VPS13A: variants seen among roughly 807,000 people sequenced by gnomAD.
VPS13A encodes vacuolar protein sorting 13 homolog A.
Under a neutral mutation model 390.9 loss-of-function variants are expected in VPS13A, and 264 were observed. That is an observed-to-expected ratio of 0.68 (90% CI 0.61 to 0.75). The LOEUF is 0.75. VPS13A is among the 30% of genes least tolerant of loss of function. VPS13A has a pLI of 0.00. For synonymous variants in VPS13A, 1,231 were observed against 1,227.1 expected, an observed-to-expected ratio of 1.00 and a Z score of -0.07; for missense variants, 3,409 against 3,733.9, an observed-to-expected ratio of 0.91 and a Z score of 2.27.
intron 52 of VPS13A, among the ~76,000 whole-genome samples, chr9:77,346,584 G>T (rs1245013680): frequency 6.6e-6 from 1 of 152,156 alleles, no homozygotes; most frequent in African/African-American, 2.4e-5. Context: ...TCTTGGTCAT[G>T]AACTCTTTGC....
At chr9:77,409,684 G>A (rs1356833438) in intron 71 of VPS13A, among the ~76,000 whole-genome samples, 1 of 151,190 alleles carries the variant, frequency 6.6e-6, no homozygotes, top group East Asian at 2.1e-4. Flanking sequence ...CGATCAACTG[G>A]AAGAAAGGGT....
chr9:77,364,037 T>C (rs1449958380), intron 59 of VPS13A, among the ~76,000 whole-genome samples: 1 of 151,998 alleles, frequency 6.6e-6, no homozygotes, highest in African/African-American at 2.4e-5. Flanking sequence ...AACCACCACA[T>C]TACAGGCCTG....
At chr9:77,207,510 G>A (rs2131134182) in intron 5 of VPS13A, among the ~76,000 whole-genome samples, 1 of 150,802 alleles carries the variant, frequency 6.6e-6, no homozygotes, top group South Asian at 2.1e-4. Context: ...ATTGTTAATA[G>A]TATCATGGCT....
intron 1 of VPS13A, among the ~76,000 whole-genome samples, chr9:77,183,873 C>T (rs1824170309): frequency 6.6e-6 from 1 of 152,190 alleles, no homozygotes; most frequent in South Asian, 2.1e-4. Context: ...ACTGGCATAT[C>T]CATATAATGG....
intron 22 of VPS13A, among the ~76,000 whole-genome samples, chr9:77,257,764 G>A (rs893015281): frequency 1.3e-5 from 2 of 151,982 alleles, no homozygotes; most frequent in African/African-American, 4.8e-5. Context: ...TTTAAAAAGT[G>A]AAAAATAAAA....
At chr9:77,305,084 AT>A (rs1020593769) in intron 34 of VPS13A, among the ~76,000 whole-genome samples, 3 of 151,932 alleles carry the variant, frequency 2.0e-5, no homozygotes, top group African/African-American at 7.3e-5. Flanking sequence ...GACTACAGGC[AT>A]CCGCCACCGC....
At chr9:77,302,044 G>A (rs145938733) in intron 33 of VPS13A, among the ~76,000 whole-genome samples, 14 of 150,796 alleles carry the variant, frequency 9.3e-5, no homozygotes, top group East Asian at 3.9e-4. Context: ...TGCAACCTCC[G>A]CCTCCTGGGT....
In VPS13A at chr9:77,381,380, G is replaced by T. The variant is rs141487746; in HGVS notation, c.9078-596G>T. Among the ~76,000 whole-genome samples the T allele has an allele frequency of 4.9e-3, 743 of 152,246 alleles. 3 individuals are homozygous for T. Among genetic ancestry groups the T allele is most frequent in the Non-Finnish European group, 7.7e-3 (526 of 68,014 alleles). ...CCCAGTAAGAATGTGAGGACTGTGA[G>T]AGTATTTGAATATTAGAAAACTATA... On this transcript the variant is annotated intron_variant, in intron 67 of 71. Transcript: ENST00000360280.
At chr9:77,399,181 T>TAAAAAAAAAAAAAAAAA (rs1223344360) in intron 68 of VPS13A, among the ~76,000 whole-genome samples, 186 of 34,692 alleles carry the variant, frequency 5.4e-3, no homozygotes, top group Non-Finnish European at 8.6e-3. Context: ...AAAAAAAAAA[T>TAAAAAAAAAAAAAAAAA]AAAAAAAAAA....
At chr9:77,252,732 A>G (rs1825214613) in intron 22 of VPS13A, among the ~76,000 whole-genome samples, 1 of 152,180 alleles carries the variant, frequency 6.6e-6, no homozygotes, top group South Asian at 2.1e-4. Flanking sequence ...TATAAGTGGA[A>G]TCATAGAAAA....
chr9:77,179,084 C>T (rs1823842309), intron 1 of VPS13A, among the ~76,000 whole-genome samples: 1 of 152,098 alleles, frequency 6.6e-6, no homozygotes, highest in Non-Finnish European at 1.5e-5. Flanking sequence ...TTCTTAGTTG[C>T]AAAGTGAAAA....
At chr9:77,325,173 C>T (rs1829943478) in intron 45 of VPS13A, among the ~76,000 whole-genome samples, 2 of 152,144 alleles carry the variant, frequency 1.3e-5, no homozygotes, top group African/African-American at 4.8e-5. Flanking sequence ...CAACCTAGAT[C>T]CCTTGCATGC....
chr9:77,357,611 A>T, intron 55 of VPS13A, 81 bp from the exon 56 acceptor site: 1 of 1,447,988 alleles, frequency 6.9e-7, no homozygotes, highest in African/African-American at 1.4e-5. Context: ...TTACTGTTTT[A>T]AAAAGTTTTT....
At chr9:77,390,835 C>T (rs1030259266) in intron 68 of VPS13A, among the ~76,000 whole-genome samples, 19 of 151,836 alleles carry the variant, frequency 1.3e-4, no homozygotes, top group African/African-American at 4.1e-4. Context: ...TGAGCCACTG[C>T]GTCTGGCCTA....
intron 20 of VPS13A, among the ~76,000 whole-genome samples, 176 bp from the exon 21 acceptor site, chr9:77,249,921 G>A (rs974157440): frequency 6.6e-6 from 1 of 151,926 alleles, no homozygotes; most frequent in Non-Finnish European, 1.5e-5. Context: ...TTACTTTATC[G>A]CTCTCCTTAT....
chr9:77,320,625 A>C (rs1440753312), intron 42 of VPS13A, among the ~76,000 whole-genome samples: 1 of 152,032 alleles, frequency 6.6e-6, no homozygotes, highest in African/African-American at 2.4e-5. Context: ...TATTTTCCAG[A>C]TATTTTAGAT....
At position 77,295,707 on chromosome 9, in the gene VPS13A, G is replaced by T; in HGVS notation, c.3673G>T (p.Val1225Phe). ...AGTTGTGGTCATCCCGCAGTCTCCA[G>T]TTTCTGAAAATGTTTTTGTTGCTGA... ...APVVVIPQSP[V>F]SENVFVADFG... The change falls in exon 33 of 72, where the codon GTT becomes TTT. Residue 1225 changes from valine to phenylalanine, a missense_variant. This residue lies in a region of VPS13A where 2,717 missense variants were observed against 2,917.4 expected (regional missense o/e 0.93). Transcript: ENST00000360280. 1.2e-6 allele frequency: 2 copies of T among 1,614,002 alleles called. No homozygotes were observed. Among genetic ancestry groups the T allele is most frequent in the Non-Finnish European group, 1.7e-6 (2 of 1,179,948 alleles).
intron 1 of VPS13A, among the ~76,000 whole-genome samples, chr9:77,197,309 T>G (rs999189406): frequency 1.3e-4 from 20 of 152,192 alleles, no homozygotes; most frequent in African/African-American, 4.6e-4. Context: ...CTATATTTCC[T>G]TATTAATCTT....
chr9:77,401,556 C>G (rs1427884709), intron 68 of VPS13A, among the ~76,000 whole-genome samples: 1 of 151,940 alleles, frequency 6.6e-6, no homozygotes, highest in African/African-American at 2.4e-5. Context: ...TTTTTATTAC[C>G]CTTGTAAACG....
Sources: allele counts gnomAD v4.1 joint callset (sites outside exome capture counted in the v4.1 genomes callset), GRCh38; gene constraint gnomAD v4.1.1; regional missense constraint gnomAD v4.1.1; transcripts MANE v1.5; gene names NCBI Gene and HGNC (gene_info 2026-07-23, HGNC 2026-07-21).